The following CXCL13 variants were observed in gnomAD, a reference collection of about 807,000 sequenced individuals.
CXCL13 encodes C-X-C motif chemokine 13.
Under a neutral mutation model 12.2 loss-of-function variants are expected in CXCL13, and 7 were observed. That is an observed-to-expected ratio of 0.57 (90% CI 0.33 to 1.07). The LOEUF is 1.07. Ranked by LOEUF, CXCL13 falls within the 50% of genes least tolerant of loss-of-function variation. The pLI, the probability that CXCL13 is intolerant of heterozygous loss-of-function variation, is 0.04. For missense variants in CXCL13, 113 were observed against 127.4 expected (o/e 0.89, Z 0.55); for synonymous variants, 47 against 42.4 (o/e 1.11, Z -0.42).
intron 1 of CXCL13, among the ~76,000 whole-genome samples, chr4:77,589,023 G>A (rs1397468091): frequency 6.6e-6 from 1 of 152,190 alleles, no homozygotes; most frequent in Non-Finnish European, 1.5e-5. Flanking sequence ...TGGTTGGAAA[G>A]GCTTATAGAA....
intron 2 of CXCL13, 25 bp from the exon 3 acceptor site, chr4:77,610,589 T>G: frequency 6.5e-7 from 1 of 1,544,874 alleles, no homozygotes; most frequent in Non-Finnish European, 8.9e-7. Flanking sequence ...TAAGACTGAA[T>G]TATTTAATTT....
At chr4:77,566,285 C>T (rs990552893) in intron 1 of CXCL13, among the ~76,000 whole-genome samples, 1 of 152,270 alleles carries the variant, frequency 6.6e-6, no homozygotes, top group Admixed American at 6.5e-5. Flanking sequence ...GGATTAGAAA[C>T]GTGTGTTCCT....
chr4:77,524,994 C>T (rs1321531037), intron 1 of CXCL13, among the ~76,000 whole-genome samples: 1 of 152,184 alleles, frequency 6.6e-6, no homozygotes, highest in African/African-American at 2.4e-5. Context: ...GCTTAATCCC[C>T]AATGCAACAG....
intron 1 of CXCL13, among the ~76,000 whole-genome samples, chr4:77,590,696 C>CTCAT (rs1726583373): frequency 6.6e-6 from 1 of 152,184 alleles, no homozygotes; most frequent in African/African-American, 2.4e-5. Context: ...ATGTCACACA[C>CTCAT]TCATTCTGTG....
intron 1 of CXCL13, among the ~76,000 whole-genome samples, chr4:77,564,574 C>T (rs1725880877): frequency 6.6e-6 from 1 of 152,248 alleles, no homozygotes; most frequent in African/African-American, 2.4e-5. Flanking sequence ...ATAGTCATCT[C>T]ATTTAATCTG....
chr4:77,525,625 T>C (rs1053209965), intron 1 of CXCL13, among the ~76,000 whole-genome samples: 1 of 152,120 alleles, frequency 6.6e-6, no homozygotes, highest in South Asian at 2.1e-4. Context: ...CTTTTTTTTT[T>C]AAGAAAAGTG....
At chr4:77,537,077 G>A (rs1054339827) in intron 1 of CXCL13, among the ~76,000 whole-genome samples, 1 of 152,082 alleles carries the variant, frequency 6.6e-6, no homozygotes, top group African/African-American at 2.4e-5. Context: ...GACATTCAAG[G>A]AGAAAATAAA....
At chr4:77,524,013 C>G (rs570282332) in intron 1 of CXCL13, among the ~76,000 whole-genome samples, 2 of 152,120 alleles carry the variant, frequency 1.3e-5, no homozygotes, top group Non-Finnish European at 2.9e-5. Flanking sequence ...CACTCCAGAC[C>G]CTGTTTTCCT....
At chr4:77,530,960 T>A (rs950659554) in intron 1 of CXCL13, among the ~76,000 whole-genome samples, 130 of 152,116 alleles carry the variant, frequency 8.5e-4, no homozygotes, top group African/African-American at 2.9e-3. Context: ...GTCCCAGAGA[T>A]TCTGGTATCT....
intron 1 of CXCL13, among the ~76,000 whole-genome samples, chr4:77,589,991 C>T (rs948466768): frequency 6.6e-6 from 1 of 152,102 alleles, no homozygotes; most frequent in Non-Finnish European, 1.5e-5. Context: ...CTCCCATATG[C>T]CGCAAGTACG....
At chr4:77,528,337 C>T (rs925919261) in intron 1 of CXCL13, among the ~76,000 whole-genome samples, 6 of 152,088 alleles carry the variant, frequency 3.9e-5, no homozygotes, top group Admixed American at 2.0e-4. Flanking sequence ...GTTCTAGATC[C>T]CTGAGGAATC....
chr4:77,546,860 T>C (rs1017497793), intron 1 of CXCL13, among the ~76,000 whole-genome samples: 2 of 152,228 alleles, frequency 1.3e-5, no homozygotes, highest in Non-Finnish European at 2.9e-5. Flanking sequence ...CTTTCCTGCT[T>C]TCTCTTATGG....
intron 1 of CXCL13, among the ~76,000 whole-genome samples, chr4:77,558,869 C>G (rs1005647812): frequency 5.9e-5 from 9 of 152,182 alleles, no homozygotes; most frequent in Non-Finnish European, 1.2e-4. Context: ...TTTGGACCTT[C>G]TGTGAAGGAA....
intron 1 of CXCL13, among the ~76,000 whole-genome samples, chr4:77,598,913 T>G (rs1726829014): frequency 6.6e-6 from 1 of 152,016 alleles, no homozygotes; most frequent in South Asian, 2.1e-4. Context: ...GTTCAAGTGA[T>G]TTTTCCTGCC....
intron 1 of CXCL13, among the ~76,000 whole-genome samples, chr4:77,573,837 C>T (rs1726148775): frequency 6.6e-6 from 1 of 151,894 alleles, no homozygotes; most frequent in African/African-American, 2.4e-5. Context: ...TTTTCCCCTC[C>T]ATGGATAGCT....
intron 1 of CXCL13, among the ~76,000 whole-genome samples, chr4:77,516,458 G>A (rs1422468378): frequency 6.6e-6 from 1 of 152,216 alleles, no homozygotes; most frequent in Non-Finnish European, 1.5e-5. Context: ...TAGTGGGTAA[G>A]CTATTGATTA....
At chr4:77,605,688 G>T (rs533105682), upstream of CXCL13, 1 of 410,264 alleles carries the variant, frequency 2.4e-6, no homozygotes, top group African/African-American at 2.1e-5. Flanking sequence ...TGCAAGAGAA[G>T]TTTTAAAAAA....
chr4:77,573,846 C>G (rs1052718124), intron 1 of CXCL13, among the ~76,000 whole-genome samples: 1 of 151,878 alleles, frequency 6.6e-6, no homozygotes, highest in Admixed American at 6.5e-5. Flanking sequence ...CCATGGATAG[C>G]TTCTGATTTC....
intron 1 of CXCL13, among the ~76,000 whole-genome samples, chr4:77,575,288 C>T (rs1340426014): frequency 1.3e-5 from 2 of 151,710 alleles, no homozygotes; most frequent in Non-Finnish European, 2.9e-5. Context: ...TGTTTTAAAC[C>T]TCCAACTTTT....
Sources: allele counts gnomAD v4.1 joint callset (sites outside exome capture counted in the v4.1 genomes callset), GRCh38; gene constraint gnomAD v4.1.1; transcripts MANE v1.5; gene names NCBI Gene and HGNC (gene_info 2026-07-23, HGNC 2026-07-21).